The following RBBP8NL variants were observed in gnomAD, a reference collection of about 807,000 sequenced individuals.
RBBP8NL encodes the protein RBBP8 N-terminal-like protein.
In RBBP8NL, 59 loss-of-function variants were observed where a neutral mutation model predicts 62.2. The observed-to-expected ratio is 0.95, with a 90% CI of 0.77 to 1.18. The LOEUF is 1.18. Ranked by LOEUF, RBBP8NL falls within the 50% of genes most tolerant of loss-of-function variation. The pLI is 0.00. For missense variants in RBBP8NL, 896 were observed against 899.5 expected, an observed-to-expected ratio of 1.00 and a Z score of 0.05; for synonymous variants, 412 against 394.1, an observed-to-expected ratio of 1.05 and a Z score of -0.54.
rs1389204579 is a variant in RBBP8NL at position 62,416,187 on chromosome 20, C to T, written c.363G>A (p.Glu121=). 3 of 1,613,120 alleles carry T rather than the reference C, an allele frequency of 1.9e-6. No homozygotes were observed. The highest frequency in any genetic ancestry group is 2.2e-5 in the East Asian group (1 of 44,870). The change falls in exon 6 of 14, where the codon GAG becomes GAA. Residue 121 remains glutamate, a synonymous_variant. Coordinates refer to ENST00000252998, the MANE Select transcript of RBBP8NL (RefSeq NM_080833.3). ...LKEENETLKE[E]VKRLRGLGDR... is the part of the protein sequence containing the mutation. Reference sequence around the variant, plus strand: ...ACCCCAGGCCCCGAAGCCGCTTCACCTCCTCCTTCAAGGTCTCGTTCTCTT... The same window carrying T: ...ACCCCAGGCCCCGAAGCCGCTTCACTTCCTCCTTCAAGGTCTCGTTCTCTT...
chr20:62,425,589 G>A (rs909070132), intron 1 of RBBP8NL, among the ~76,000 whole-genome samples: 1 of 152,198 alleles, frequency 6.6e-6, no homozygotes, highest in Non-Finnish European at 1.5e-5. Flanking sequence ...CTGGGAGGCC[G>A]GGCCCCCTGA....
chr20:62,413,288 AG>A, intron 11 of RBBP8NL, 112 bp downstream of exon 11: 1 of 1,271,100 alleles, frequency 7.9e-7, no homozygotes, highest in Middle Eastern at 2.8e-4. Flanking sequence ...TCAGATCGGC[AG>A]GGCAGAGCTG....
chr20:62,418,078 A>C (rs577897287), intron 3 of RBBP8NL, among the ~76,000 whole-genome samples: 1 of 152,312 alleles, frequency 6.6e-6, no homozygotes, highest in South Asian at 2.1e-4. Flanking sequence ...CGGGTCTATA[A>C]GCCAGAACGC....
chr20:62,411,950 G>A (rs966405289), intron 13 of RBBP8NL, among the ~76,000 whole-genome samples: 2 of 152,246 alleles, frequency 1.3e-5, no homozygotes, highest in Admixed American at 1.3e-4. Context: ...GAAAAACCAG[G>A]GCCATACAAT....
chr20:62,421,795 T>C (rs1988706349), intron 1 of RBBP8NL, among the ~76,000 whole-genome samples: 1 of 143,332 alleles, frequency 7.0e-6, no homozygotes, highest in Non-Finnish European at 1.5e-5. Flanking sequence ...TGTGCATGCC[T>C]GAGCCAGTGT....
intron 11 of RBBP8NL, 37 bp from the exon 12 acceptor site, chr20:62,412,937 T>A: frequency 6.2e-7 from 1 of 1,608,872 alleles, no homozygotes; most frequent in African/African-American, 1.3e-5. Flanking sequence ...GCCAGGCTGG[T>A]GGCACCGGGA....
chr20:62,413,215 C>T (rs976516933), intron 11 of RBBP8NL, among the ~76,000 whole-genome samples, 186 bp downstream of exon 11: 1 of 152,282 alleles, frequency 6.6e-6, no homozygotes, highest in African/African-American at 2.4e-5. Flanking sequence ...TCCTGCCAGG[C>T]CCTCGGCTTC....
intron 13 of RBBP8NL, among the ~76,000 whole-genome samples, chr20:62,411,347 T>C (rs926306954): frequency 1.3e-5 from 2 of 152,126 alleles, no homozygotes; most frequent in African/African-American, 4.8e-5. Context: ...TAGGGCCACA[T>C]GGGAGGGGCG....
rs1988518935 is a variant in RBBP8NL, at chr20:62,414,544, G to A, written c.807C>T (p.Ala269=). The A allele has an allele frequency of 7.0e-7, 1 of 1,425,786 alleles. No homozygotes were observed. Among genetic ancestry groups the A allele is most frequent in the Admixed American group, 2.9e-5 (1 of 34,296 alleles). The allele number at this position is 1,425,786 out of a possible 1,614,324, so 88.3% of individuals were successfully genotyped here. A position where few individuals can be genotyped will look rare whatever the true frequency, so the allele number is the denominator to read the frequency against. ...RGLSLDSFLR[A]SRPSAMTHEA... ...CATGGGTCATGGCGGAGGGCCGGGA[G>A]GCCCGCAGGAAGCTGTGAGGGAGGA... is the stretch of plus-strand genomic sequence containing the variant. The change falls in exon 10 of 14, where the codon GCC becomes GCT. Residue 269 remains alanine (A), a synonymous_variant. Transcript: ENST00000252998.
At chr20:62,425,081 T>G (rs1168842194) in intron 1 of RBBP8NL, among the ~76,000 whole-genome samples, 1 of 152,160 alleles carries the variant, frequency 6.6e-6, no homozygotes, top group Non-Finnish European at 1.5e-5. Flanking sequence ...TTTCCTCACC[T>G]GGGGGTGACA....
In RBBP8NL at chr20:62,413,441, C is replaced by CGGCTGTGGGTGGGGAGGT; in HGVS notation, c.1617_1634dup (p.Pro547_Pro552dup). 6.9e-7 allele frequency: 1 copy of CGGCTGTGGGTGGGGAGGT among 1,457,322 alleles called. No homozygotes were observed. The highest frequency in any genetic ancestry group is 9.0e-7 in the Non-Finnish European group (1 of 1,106,354). The allele number at this position is 1,457,322 out of a possible 1,614,324, so 90.3% of individuals were successfully genotyped here. A position where few individuals can be genotyped will look rare whatever the true frequency, so the allele number is the denominator to read the frequency against. On this transcript the variant is annotated inframe_insertion, in exon 11 of 14. Coordinates refer to ENST00000252998, the MANE Select transcript of RBBP8NL (RefSeq NM_080833.3). Reference sequence around the variant, plus strand: ...GGTCAGGCGGCTGTGGGTGGGGAGGCGGCTGTGGGTGGGGAGGTGGCAGAG... The same window carrying CGGCTGTGGGTGGGGAGGT: ...GGTCAGGCGGCTGTGGGTGGGGAGGCGGCTGTGGGTGGGGAGGTGGCTGTGGGTGGGGAGGTGGCAGAG...
At chr20:62,413,592 T>C in intron 10 of RBBP8NL, 47 bp from the exon 11 acceptor site, 1 of 1,497,980 alleles carries the variant, frequency 6.7e-7, no homozygotes, top group Non-Finnish European at 8.9e-7. Flanking sequence ...GGAGACTTCC[T>C]TGCCGCCAAC....
intron 1 of RBBP8NL, among the ~76,000 whole-genome samples, chr20:62,425,161 G>A (rs1016728606): frequency 1.3e-5 from 2 of 152,162 alleles, no homozygotes; most frequent in Non-Finnish European, 2.9e-5. Context: ...CAGGAGCTCC[G>A]TAGACAGGAG....
At chr20:62,411,674 C>A (rs1988437464) in intron 13 of RBBP8NL, among the ~76,000 whole-genome samples, 1 of 152,258 alleles carries the variant, frequency 6.6e-6, no homozygotes, top group African/African-American at 2.4e-5. Context: ...TGGGCAGGGA[C>A]CTGCTCTCAC....
rs369714852 is a variant in RBBP8NL at position 62,422,509 on chromosome 20, C to A, written c.-83-2779G>T. ...ACTGAGGGTGGCAGGCCTTGGACCC[C>A]GAGAGAGGCCTTGGGACCCCGAGAG... On this transcript the variant is annotated intron_variant, in intron 1 of 13. Coordinates refer to ENST00000252998, the MANE Select transcript of RBBP8NL (RefSeq NM_080833.3). 5.1e-4 allele frequency among the ~76,000 whole-genome samples: 40 copies of A among 78,298 alleles called. No homozygotes were observed. In the South Asian group the frequency reaches 0.015, roughly 29 times the overall value. 51.4% of individuals were successfully genotyped at this position (78,298 alleles called of 152,430 possible). A position where few individuals can be genotyped will look rare whatever the true frequency, so the allele number is the denominator to read the frequency against.
chr20:62,421,796 G>A (rs1375621701), intron 1 of RBBP8NL, among the ~76,000 whole-genome samples: 1 of 147,444 alleles, frequency 6.8e-6, no homozygotes, highest in Non-Finnish European at 1.5e-5. Flanking sequence ...GTGCATGCCT[G>A]AGCCAGTGTG....
intron 1 of RBBP8NL, among the ~76,000 whole-genome samples, chr20:62,423,120 G>A (rs1339601663): frequency 6.6e-6 from 1 of 152,116 alleles, no homozygotes; most frequent in African/African-American, 2.4e-5. Flanking sequence ...GCCGGAAGCA[G>A]GTCACGTGGC....
intron 1 of RBBP8NL, among the ~76,000 whole-genome samples, chr20:62,421,235 G>A (rs908746858): frequency 6.6e-6 from 1 of 151,854 alleles, no homozygotes; most frequent in Admixed American, 6.6e-5. Context: ...GTGTGTGCAC[G>A]CCCGAGCCAG....
chr20:62,415,349 C>T (rs1000745131), intron 8 of RBBP8NL, 62 bp from the exon 9 acceptor site: 3 of 1,505,318 alleles, frequency 2.0e-6, no homozygotes, highest in Non-Finnish European at 8.9e-7. Context: ...TGGCCTCTGC[C>T]ATAGCCTCTG....
Sources: gnomAD v4.1 joint callset for allele counts (sites outside exome capture counted in the v4.1 genomes callset) on GRCh38, gnomAD v4.1.1 for gene constraint, MANE v1.5 for transcripts, NCBI Gene and HGNC (gene_info 2026-07-23, HGNC 2026-07-21) for gene names.